The following TASP1 variants were observed in gnomAD, a reference collection of about 807,000 sequenced individuals.
TASP1 encodes the protein taspase 1, also known as threonine aspartase 1.
TASP1 carries 16 observed loss-of-function variants against 56.6 expected under a neutral mutation model. That is an observed-to-expected ratio of 0.28 (90% CI 0.19 to 0.43). TASP1 has a LOEUF of 0.43. Among genes scored for constraint, TASP1 ranks in the 20% least tolerant of loss-of-function variants. The pLI is 1.00. For synonymous variants in TASP1, 179 were observed against 184.2 expected (o/e 0.97, Z 0.23); for missense variants, 393 against 511.6 (o/e 0.77, Z 2.24).
the TASP1 span, among the ~76,000 whole-genome samples, chr20:13,232,571 T>C: frequency 3.9e-5 from 6 of 152,264 alleles, no homozygotes; most frequent in Admixed American, 2.6e-4. Flanking sequence ...TTGGCAACTA[T>C]TAAAGATGCT....
chr20:13,635,750 T>A (rs563824875), intron 1 of TASP1, among the ~76,000 whole-genome samples: 14 of 152,258 alleles, frequency 9.2e-5, no homozygotes, highest in African/African-American at 3.4e-4. Context: ...AATCAGATGA[T>A]TCCTAACTTT....
intron 10 of TASP1, among the ~76,000 whole-genome samples, chr20:13,498,205 G>A (rs2043801577): frequency 6.6e-6 from 1 of 152,050 alleles, no homozygotes; most frequent in Non-Finnish European, 1.5e-5. Flanking sequence ...GAAAATATTT[G>A]CAAACTATGT....
the TASP1 span, among the ~76,000 whole-genome samples, chr20:13,188,910 A>C: frequency 6.6e-6 from 1 of 152,234 alleles, no homozygotes; most frequent in African/African-American, 2.4e-5. Flanking sequence ...GCATTGGCCA[A>C]TCCCAGCGAC....
chr20:13,258,693 A>T, the TASP1 span, among the ~76,000 whole-genome samples: 1 of 152,136 alleles, frequency 6.6e-6, no homozygotes, highest in Non-Finnish European at 1.5e-5. Context: ...GTTGGTGAGA[A>T]CAACACTGGG....
chr20:13,400,605 AC>A (rs2041700283), intron 13 of TASP1, among the ~76,000 whole-genome samples: 1 of 152,234 alleles, frequency 6.6e-6, no homozygotes, highest in Admixed American at 6.5e-5. Flanking sequence ...TATCGCTTCA[AC>A]ATTGCAGCAG....
At chr20:13,232,188 A>G in the TASP1 span, among the ~76,000 whole-genome samples, 1 of 152,222 alleles carries the variant, frequency 6.6e-6, no homozygotes. Flanking sequence ...GCAATTGACA[A>G]CTAATAAACT....
At chr20:13,617,926 G>A (rs1002455768) in intron 4 of TASP1, among the ~76,000 whole-genome samples, 2 of 152,060 alleles carry the variant, frequency 1.3e-5, no homozygotes, top group African/African-American at 2.4e-5. Context: ...TTCAAGGACT[G>A]GCAGGCCTTA....
At chr20:13,202,895 G>T in the TASP1 span, among the ~76,000 whole-genome samples, 1 of 152,178 alleles carries the variant, frequency 6.6e-6, no homozygotes, top group Non-Finnish European at 1.5e-5. Flanking sequence ...ATTATAGTCG[G>T]CTTCTACATC....
At chr20:13,421,611 AAAAT>A (rs1182312919) in intron 12 of TASP1, among the ~76,000 whole-genome samples, 1 of 152,160 alleles carries the variant, frequency 6.6e-6, no homozygotes, top group Non-Finnish European at 1.5e-5. Flanking sequence ...TACTCATACT[AAAAT>A]AAACGCAAAT....
the TASP1 span, among the ~76,000 whole-genome samples, chr20:13,288,350 T>A: frequency 6.6e-6 from 1 of 152,212 alleles, no homozygotes; most frequent in Non-Finnish European, 1.5e-5. Context: ...AAAACCTCCT[T>A]GCTGTCACAA....
At chr20:13,371,205 C>T in the TASP1 span, among the ~76,000 whole-genome samples, 1 of 152,052 alleles carries the variant, frequency 6.6e-6, no homozygotes, top group Non-Finnish European at 1.5e-5. Context: ...TTTCTACTTG[C>T]TTTGAGCTTC....
chr20:13,241,679 A>G, the TASP1 span, among the ~76,000 whole-genome samples: 1 of 152,202 alleles, frequency 6.6e-6, no homozygotes, highest in Non-Finnish European at 1.5e-5. Flanking sequence ...GAGAGAAGAT[A>G]TAAAATGGTC....
At chr20:13,210,552 T>C in the TASP1 span, among the ~76,000 whole-genome samples, 8 of 152,066 alleles carry the variant, frequency 5.3e-5, no homozygotes, top group African/African-American at 1.9e-4. Context: ...TCTATATACA[T>C]AGTGCAGTCT....
chr20:13,431,165 G>A (rs2042792848), intron 12 of TASP1, among the ~76,000 whole-genome samples: 1 of 151,986 alleles, frequency 6.6e-6, no homozygotes, highest in South Asian at 2.1e-4. Context: ...ATTTGGATGT[G>A]TAGAAAAGAA....
At chr20:13,230,749 A>T in the TASP1 span, among the ~76,000 whole-genome samples, 1 of 151,998 alleles carries the variant, frequency 6.6e-6, no homozygotes, top group Non-Finnish European at 1.5e-5. Context: ...TGTTGTAGAA[A>T]AAAAAAGAAA....
At chr20:13,488,520 T>C (rs2043408772) in intron 10 of TASP1, among the ~76,000 whole-genome samples, 1 of 152,166 alleles carries the variant, frequency 6.6e-6, no homozygotes, top group Non-Finnish European at 1.5e-5. Flanking sequence ...TTCAGACATG[T>C]AACGACAAAT....
At chr20:13,527,804 T>C (rs549864430) in intron 10 of TASP1, among the ~76,000 whole-genome samples, 14 of 152,312 alleles carry the variant, frequency 9.2e-5, no homozygotes, top group Admixed American at 8.5e-4. Flanking sequence ...TATCTGTTAA[T>C]TTTTGAAATT....
chr20:13,441,038 C>T (rs1272769417), intron 11 of TASP1, among the ~76,000 whole-genome samples: 1 of 152,166 alleles, frequency 6.6e-6, no homozygotes, highest in Admixed American at 6.6e-5. Flanking sequence ...GCTCCTATAG[C>T]TCATCTAAGC....
chr20:13,344,958 G>A, the TASP1 span, among the ~76,000 whole-genome samples: 1 of 152,098 alleles, frequency 6.6e-6, no homozygotes, highest in Admixed American at 6.5e-5. Context: ...TCAGATCCCA[G>A]TAAGGAAATC....
Sources: gnomAD v4.1 joint callset for allele counts (sites outside exome capture counted in the v4.1 genomes callset) on GRCh38, gnomAD v4.1.1 for gene constraint, MANE v1.5 for transcripts, NCBI Gene and HGNC (gene_info 2026-07-23, HGNC 2026-07-21) for gene names.